The following UNC5D variants were observed in gnomAD, a reference collection of about 807,000 sequenced individuals.
UNC5D encodes the protein unc-5 netrin receptor D.
A neutral mutation model predicts 105.4 loss-of-function variants in UNC5D; 39 were observed. The ratio of observed to expected loss-of-function variants is 0.37; its 90% CI spans 0.29 to 0.48. The LOEUF is 0.48. UNC5D is among the 20% of genes least tolerant of loss of function. UNC5D has a pLI of 0.98. For missense variants in UNC5D, 991 were observed against 1,202.4 expected (o/e 0.82, Z 2.60); for synonymous variants, 452 against 450.4 (o/e 1.00, Z -0.04).
chr8:35,622,718 G>A (rs533273583), intron 4 of UNC5D, among the ~76,000 whole-genome samples: 195 of 152,138 alleles, frequency 1.3e-3, no homozygotes, highest in Non-Finnish European at 1.9e-3. Flanking sequence ...TTCCATTCAC[G>A]TGTGGAAAAA....
At chr8:35,305,982 T>C (rs1457597230) in intron 1 of UNC5D, among the ~76,000 whole-genome samples, 1 of 151,488 alleles carries the variant, frequency 6.6e-6, no homozygotes, top group Admixed American at 6.6e-5. Flanking sequence ...CTTTTTCTGC[T>C]TACCACACAG....
chr8:35,548,124 C>T (rs2579893), intron 1 of UNC5D, among the ~76,000 whole-genome samples: 1,827 of 152,236 alleles, frequency 0.012, 18 homozygotes, highest in Non-Finnish European at 0.02. Flanking sequence ...TTTCCCAGCC[C>T]ACTGACTCAA....
chr8:35,491,212 G>C (rs1811196824), intron 1 of UNC5D, among the ~76,000 whole-genome samples: 2 of 151,996 alleles, frequency 1.3e-5, no homozygotes, highest in African/African-American at 4.8e-5. Context: ...CCTTCCAGGA[G>C]GTATCTCTTC....
At chr8:35,437,045 G>A (rs1029390074) in intron 1 of UNC5D, among the ~76,000 whole-genome samples, 1 of 150,624 alleles carries the variant, frequency 6.6e-6, no homozygotes, top group Admixed American at 6.6e-5. Flanking sequence ...CATGTTTGTT[G>A]CCCCGGCTAG....
At chr8:35,762,632 C>A (rs1374519199) in intron 14 of UNC5D, among the ~76,000 whole-genome samples, 1 of 152,172 alleles carries the variant, frequency 6.6e-6, no homozygotes, top group Non-Finnish European at 1.5e-5. Context: ...TAATTCTATT[C>A]TTTCAATAGG....
rs1437909246 is a variant in UNC5D at position 35,515,254 on chromosome 8, A to T, written c.104-34038A>T. Among the ~76,000 whole-genome samples the T allele has an allele frequency of 2.6e-5, 4 of 152,242 alleles. No individual in the cohort carries two copies. In the East Asian group the frequency reaches 7.7e-4, roughly 29 times the overall value. On this transcript the variant is annotated intron_variant, in intron 1 of 16. Transcript: ENST00000404895. ...TCATCTTCTTGGTAAATGGAACCAA[A>T]AACAGCATTAGTGCATGGGTATAGA... is the stretch of plus-strand genomic sequence containing the variant.
chr8:35,265,296 C>T, intron 1 of UNC5D, among the ~76,000 whole-genome samples: 1 of 150,794 alleles, frequency 6.6e-6, no homozygotes, highest in Admixed American at 6.6e-5. Context: ...CTTTTTTTTT[C>T]CCCATAAAGA....
intron 7 of UNC5D, among the ~76,000 whole-genome samples, chr8:35,705,403 G>A (rs1016423687): frequency 3.3e-5 from 5 of 152,284 alleles, no homozygotes; most frequent in Admixed American, 6.5e-5. Flanking sequence ...GAGTGGTTTC[G>A]TAAAAACAAA....
intron 1 of UNC5D, among the ~76,000 whole-genome samples, chr8:35,265,816 G>A (rs900628517): frequency 6.6e-6 from 1 of 151,698 alleles, no homozygotes; most frequent in Non-Finnish European, 1.5e-5. Context: ...CTTGCAGTGA[G>A]CCAAGATCGC....
At chr8:35,379,966 G>A (rs1250644630) in intron 1 of UNC5D, among the ~76,000 whole-genome samples, 2 of 151,762 alleles carry the variant, frequency 1.3e-5, no homozygotes, top group African/African-American at 4.8e-5. Flanking sequence ...TTAAACAACA[G>A]AAATTTATCT....
chr8:35,535,657 T>A (rs1814782457), intron 1 of UNC5D, among the ~76,000 whole-genome samples: 1 of 152,176 alleles, frequency 6.6e-6, no homozygotes, highest in South Asian at 2.1e-4. Context: ...CGTAAAATAT[T>A]CAGGCATTTC....
At position 35,429,342 on chromosome 8, in the gene UNC5D, G is replaced by GT. The variant is rs200482128; in HGVS notation, c.104-119941dup. On this transcript the variant is annotated intron_variant, in intron 1 of 16. Coordinates refer to ENST00000404895, the MANE Select transcript of UNC5D (RefSeq NM_080872.4). ...TAATTAGATTTTCTCCATGAAACCT[G>GT]TTTTTTTTTCTTTTTCCTGTATAGG... is the stretch of plus-strand genomic sequence containing the variant. Among the ~76,000 whole-genome samples the GT allele has an allele frequency of 3.8e-3, 572 of 150,466 alleles. 3 individuals carry two copies. The highest frequency in any genetic ancestry group is 0.01 in the African/African-American group (415 of 41,014).
chr8:35,386,141 C>T (rs1803383034), intron 1 of UNC5D, among the ~76,000 whole-genome samples: 1 of 152,098 alleles, frequency 6.6e-6, no homozygotes, highest in African/African-American at 2.4e-5. Context: ...ATCTTTCTCC[C>T]AAGTTTCTCT....
In UNC5D at chr8:35,790,695, T is replaced by C; in HGVS notation, c.*132T>C. The C allele has an allele frequency of 1.0e-6, 1 of 954,224 alleles. No individual in the cohort carries two copies. Among genetic ancestry groups the C allele is most frequent in the Non-Finnish European group, 1.6e-6 (1 of 638,020 alleles). 59.1% of individuals were successfully genotyped at this position (954,224 alleles called of 1,614,324 possible). A position where few individuals can be genotyped will look rare whatever the true frequency, so the allele number is the denominator to read the frequency against. The stretch of plus-strand genomic sequence containing the variant: ...TTTATAATCAGTGAGATTCCCCTGT[T>C]GAAGAAACTAAATTTTATATAGGTA... On this transcript the variant is annotated 3_prime_UTR_variant, in exon 17 of 17. Transcript: ENST00000404895.
chr8:35,767,663 T>C (rs1440281543), intron 15 of UNC5D, among the ~76,000 whole-genome samples: 1 of 152,212 alleles, frequency 6.6e-6, no homozygotes, highest in Admixed American at 6.5e-5. Context: ...GATCTCATTC[T>C]ATAAGGTAAG....
intron 1 of UNC5D, among the ~76,000 whole-genome samples, chr8:35,326,929 A>G (rs1418459766): frequency 6.6e-6 from 1 of 152,196 alleles, no homozygotes; most frequent in Non-Finnish European, 1.5e-5. Context: ...AAAAAGAAGG[A>G]AGGGTCAATC....
At chr8:35,310,687 G>C (rs1463142137) in intron 1 of UNC5D, among the ~76,000 whole-genome samples, 1 of 152,012 alleles carries the variant, frequency 6.6e-6, no homozygotes, top group Non-Finnish European at 1.5e-5. Context: ...GTAAGGCAAA[G>C]CACATTCTAG....
At chr8:35,361,268 C>T (rs1314086660) in intron 1 of UNC5D, among the ~76,000 whole-genome samples, 3 of 152,072 alleles carry the variant, frequency 2.0e-5, no homozygotes. Context: ...AATATTGTCA[C>T]CTTTCTCTGC....
intron 4 of UNC5D, among the ~76,000 whole-genome samples, chr8:35,656,669 A>C (rs534614454): frequency 6.3e-4 from 96 of 152,240 alleles, no homozygotes; most frequent in African/African-American, 2.3e-3. Flanking sequence ...ATTTGGATCT[A>C]ATCTAGAATC....
Sources: allele counts gnomAD v4.1 joint callset (sites outside exome capture counted in the v4.1 genomes callset), GRCh38; gene constraint gnomAD v4.1.1; transcripts MANE v1.5; gene names NCBI Gene and HGNC (gene_info 2026-07-23, HGNC 2026-07-21).